MACROD2: variants seen among roughly 807,000 people sequenced by gnomAD.
MACROD2 encodes mono-ADP ribosylhydrolase 2.
Under a neutral mutation model 70.4 loss-of-function variants are expected in MACROD2, and 36 were observed. That is an observed-to-expected ratio of 0.51 (90% CI 0.39 to 0.68). MACROD2 has a LOEUF of 0.68. Ranked by LOEUF, MACROD2 falls within the 30% of genes least tolerant of loss-of-function variation. The pLI is 0.00. For synonymous variants in MACROD2, 172 were observed against 178.8 expected, an observed-to-expected ratio of 0.96 and a Z score of 0.30; for missense variants, 496 against 538.4, an observed-to-expected ratio of 0.92 and a Z score of 0.78.
chr20:14,784,674 G>T (rs201640811), intron 5 of MACROD2, among the ~76,000 whole-genome samples: 10 of 142,994 alleles, frequency 7.0e-5, no homozygotes, highest in East Asian at 2.2e-4. Context: ...TAAGTGGGGG[G>T]GGGGGGGCAC....
chr20:15,538,381 A>G (rs2047905425), intron 8 of MACROD2, among the ~76,000 whole-genome samples: 1 of 152,216 alleles, frequency 6.6e-6, no homozygotes. Flanking sequence ...GACGGGCTTC[A>G]AAAGGAATCT....
chr20:15,680,241 T>C (rs2050142477), intron 8 of MACROD2, among the ~76,000 whole-genome samples: 1 of 152,194 alleles, frequency 6.6e-6, no homozygotes, highest in South Asian at 2.1e-4. Context: ...AGGGAAAAAT[T>C]AGGTAGAGAG....
rs2072832136 is a variant in MACROD2, at chr20:14,820,574, A to G, written c.418+135615A>G. On this transcript the variant is annotated intron_variant, in intron 5 of 17. Coordinates refer to ENST00000684519, the MANE Select transcript of MACROD2 (RefSeq NM_001351661.2). Reference sequence around the variant, plus strand: ...GTAATTAAGTGAGCTTCCCTACAATATCTTAACTTAGCTTCTCATCTAAGT... The same window carrying G: ...GTAATTAAGTGAGCTTCCCTACAATGTCTTAACTTAGCTTCTCATCTAAGT... Among the ~76,000 whole-genome samples, 5 of 151,940 alleles carry G rather than the reference A, an allele frequency of 3.3e-5. No homozygotes were observed. The South Asian group carries it at 1.0e-3, about 32-fold the overall frequency.
chr20:15,358,099 C>T (rs1438877284), intron 6 of MACROD2, among the ~76,000 whole-genome samples: 2 of 152,142 alleles, frequency 1.3e-5, no homozygotes, highest in Non-Finnish European at 2.9e-5. Context: ...TGAGCCACCG[C>T]GCCCGGCCCT....
chr20:15,312,540 G>A (rs563635913), intron 6 of MACROD2, among the ~76,000 whole-genome samples: 23 of 152,282 alleles, frequency 1.5e-4, no homozygotes, highest in Admixed American at 5.2e-4. Context: ...TATGTTGGAA[G>A]TGTCCTATAA....
intron 2 of MACROD2, among the ~76,000 whole-genome samples, chr20:14,045,970 C>T (rs550443638): frequency 2.6e-4 from 40 of 152,162 alleles, no homozygotes; most frequent in African/African-American, 8.4e-4. Context: ...AGCCCAGATA[C>T]GGAAACATGA....
intron 4 of MACROD2, among the ~76,000 whole-genome samples, chr20:14,613,282 A>C (rs963250122): frequency 2.0e-5 from 3 of 152,176 alleles, no homozygotes; most frequent in Admixed American, 2.0e-4. Context: ...AATGATTCAT[A>C]CGCATTCCCC....
intron 5 of MACROD2, among the ~76,000 whole-genome samples, chr20:14,783,637 C>T (rs1356896767): frequency 6.6e-6 from 1 of 152,012 alleles, no homozygotes; most frequent in Non-Finnish European, 1.5e-5. Flanking sequence ...TTGGTTTCCC[C>T]AGAAGCAGAC....
intron 6 of MACROD2, among the ~76,000 whole-genome samples, chr20:15,304,813 A>C (rs2077681458): frequency 6.6e-6 from 1 of 152,222 alleles, no homozygotes. Flanking sequence ...GGGAAAGGAC[A>C]CAGGGGCAGG....
intron 4 of MACROD2, among the ~76,000 whole-genome samples, chr20:14,602,062 C>T (rs1325125331): frequency 6.6e-6 from 1 of 152,154 alleles, no homozygotes; most frequent in Admixed American, 6.5e-5. Flanking sequence ...CTTACTTCAG[C>T]TAAATCTGAT....
At chr20:14,882,988 G>A (rs1423810507) in intron 5 of MACROD2, among the ~76,000 whole-genome samples, 1 of 152,102 alleles carries the variant, frequency 6.6e-6, no homozygotes, top group African/African-American at 2.4e-5. Flanking sequence ...GTGATGGGGT[G>A]TTTGGAATTA....
intron 8 of MACROD2, among the ~76,000 whole-genome samples, chr20:15,557,365 T>C (rs1331029201): frequency 2.0e-5 from 3 of 152,238 alleles, no homozygotes; most frequent in African/African-American, 7.2e-5. Flanking sequence ...CTGATTCTAT[T>C]ACTTAGATAT....
rs761148632 is a variant in MACROD2 at position 14,881,816 on chromosome 20, G to A, written c.418+196857G>A. Among the ~76,000 whole-genome samples the A allele has an allele frequency of 3.5e-4, 54 of 152,170 alleles. 1 individual carries two copies. The highest frequency in any genetic ancestry group is 5.9e-4 in the Admixed American group (9 of 15,274). ...AGTCTAAGTCAATAAAGGGACCAGG[G>A]GAAGTTCCTGGAAATTCTGATCCAA... On this transcript the variant is annotated intron_variant, in intron 5 of 17. Coordinates refer to ENST00000684519, the MANE Select transcript of MACROD2 (RefSeq NM_001351661.2).
At chr20:14,787,294 T>C (rs2072386701) in intron 5 of MACROD2, among the ~76,000 whole-genome samples, 1 of 151,042 alleles carries the variant, frequency 6.6e-6, no homozygotes, top group Admixed American at 6.6e-5. Context: ...TTGAATATAT[T>C]GTAACGTGTG....
rs191058639 is a variant in MACROD2, at chr20:15,972,838, A to G, written c.985+5208A>G. ...TGTCAAAAAAGAAAAAAAAAAGATAAATAAAAGGTCCCAATGGAAACTAGA... is the reference window on the plus strand; with the variant it reads ...TGTCAAAAAAGAAAAAAAAAAGATAGATAAAAGGTCCCAATGGAAACTAGA... On this transcript the variant is annotated intron_variant, in intron 13 of 17. Coordinates refer to ENST00000684519, the MANE Select transcript of MACROD2 (RefSeq NM_001351661.2). Among the ~76,000 whole-genome samples the G allele has an allele frequency of 5.3e-5, 8 of 152,200 alleles. No individual in the cohort carries two copies. The East Asian group carries it at 1.3e-3, about 26-fold the overall frequency.
chr20:14,662,905 AT>A (rs1167569360), intron 4 of MACROD2, among the ~76,000 whole-genome samples: 2 of 151,492 alleles, frequency 1.3e-5, no homozygotes, highest in Non-Finnish European at 3.0e-5. Context: ...TATTTTAACC[AT>A]TGTGGAAGAT....
chr20:14,294,712 T>C (rs1003408957), intron 3 of MACROD2, among the ~76,000 whole-genome samples: 7 of 151,802 alleles, frequency 4.6e-5, no homozygotes, highest in African/African-American at 1.5e-4. Flanking sequence ...GATAGAATCC[T>C]TTTTTAAGAA....
intron 5 of MACROD2, among the ~76,000 whole-genome samples, chr20:15,104,120 A>G (rs1199740902): frequency 6.6e-6 from 1 of 152,134 alleles, no homozygotes; most frequent in Non-Finnish European, 1.5e-5. Context: ...AAGGCAATGT[A>G]AAGAATCAAA....
At chr20:14,416,756 T>G (rs2122881657) in intron 3 of MACROD2, among the ~76,000 whole-genome samples, 1 of 152,334 alleles carries the variant, frequency 6.6e-6, no homozygotes, top group South Asian at 2.1e-4. Flanking sequence ...GTATGAATGC[T>G]AATTTAGCAA....
Sources: gnomAD v4.1 joint callset for allele counts (sites outside exome capture counted in the v4.1 genomes callset) on GRCh38, gnomAD v4.1.1 for gene constraint, MANE v1.5 for transcripts, NCBI Gene and HGNC (gene_info 2026-07-23, HGNC 2026-07-21) for gene names.